The following RFFL variants were observed in gnomAD, a reference collection of about 807,000 sequenced individuals.
RFFL encodes ring finger and FYVE like domain containing E3 ubiquitin protein ligase.
RFFL carries 16 observed loss-of-function variants against 40.4 expected under a neutral mutation model. The ratio of observed to expected loss-of-function variants is 0.40; its 90% confidence interval spans 0.27 to 0.60. The LOEUF (loss-of-function observed/expected upper bound fraction) is 0.60, where lower values mean the gene tolerates loss of function less well. Ranked by LOEUF, RFFL falls within the 20% of genes least tolerant of loss-of-function variation. The probability of loss-of-function intolerance (pLI) is 0.47; values close to 1 mark genes in which losing one functional copy is unlikely to be tolerated. For missense variants in RFFL, 367 were observed against 451.7 expected (o/e 0.81, Z 1.70); for synonymous variants, 154 against 167.9 (o/e 0.92, Z 0.64).
chr17:35,082,102 G>C (rs753651452), intron 1 of RFFL, among the ~76,000 whole-genome samples: 1 of 152,088 alleles, frequency 6.6e-6, no homozygotes, highest in Non-Finnish European at 1.5e-5. Context: ...CTTTAAGCTG[G>C]TATTGTACTA....
chr17:35,072,115 T>TA (rs534873822), intron 1 of RFFL, among the ~76,000 whole-genome samples: 1 of 151,340 alleles, frequency 6.6e-6, no homozygotes, highest in Admixed American at 6.6e-5. Context: ...ACCCTGTCTA[T>TA]AAAAAAAATA....
chr17:35,078,156 T>C (rs1488099421), intron 1 of RFFL, among the ~76,000 whole-genome samples: 1 of 152,190 alleles, frequency 6.6e-6, no homozygotes, highest in African/African-American at 2.4e-5. Context: ...ACCAGGAATC[T>C]TTATTTTTTA....
intron 1 of RFFL, among the ~76,000 whole-genome samples, chr17:35,042,840 A>AAAAAG (rs1567708693): frequency 5.3e-5 from 8 of 151,086 alleles, no homozygotes; most frequent in East Asian, 1.9e-4. Context: ...AAAAAAAAAA[A>AAAAAG]AAAAGAAAAG....
chr17:35,047,120 G>C (rs141871229), intron 1 of RFFL, among the ~76,000 whole-genome samples: 2 of 152,290 alleles, frequency 1.3e-5, no homozygotes, highest in East Asian at 3.9e-4. Context: ...AAGCTCTTCT[G>C]GACCTTCTAC....
In RFFL at chr17:35,006,657, C is replaced by A. The variant is rs1045769406; in HGVS notation, c.*5311G>T. 6.6e-6 allele frequency: 1 copy of A among 152,392 alleles called. No homozygotes were observed. Among genetic ancestry groups the A allele is most frequent in the African/African-American group, 2.4e-5 (1 of 41,590 alleles). The allele number at this position is 152,392 out of a possible 1,614,324, so 9.4% of individuals were successfully genotyped here. A position where few individuals can be genotyped will look rare whatever the true frequency, so the allele number is the denominator to read the frequency against. On this transcript the variant is annotated 3_prime_UTR_variant, in exon 7 of 7. Transcript: ENST00000394597. ...TGTGCATGTTCCAGCCAACACTCCA[C>A]TCTGAGTGCAGGCTCATCAGGACAC...
intron 1 of RFFL, among the ~76,000 whole-genome samples, chr17:35,071,156 C>CG: frequency 6.6e-6 from 1 of 150,460 alleles, no homozygotes; most frequent in East Asian, 2.0e-4. Flanking sequence ...CAAGATTATG[C>CG]CACTGCACTC....
intron 1 of RFFL, among the ~76,000 whole-genome samples, chr17:35,049,345 A>ACCTGT (rs762694375): frequency 5.3e-5 from 8 of 152,094 alleles, no homozygotes; most frequent in Admixed American, 1.3e-4. Flanking sequence ...CAAAACCTTT[A>ACCTGT]CCTGTCCCAT....
intron 4 of RFFL, among the ~76,000 whole-genome samples, chr17:35,016,783 A>C (rs968017789): frequency 6.6e-6 from 1 of 152,200 alleles, no homozygotes; most frequent in Non-Finnish European, 1.5e-5. Context: ...TTCTGTGCTC[A>C]GGAGCAAACA....
At chr17:35,044,912 C>A (rs1253231899) in intron 1 of RFFL, among the ~76,000 whole-genome samples, 1 of 150,710 alleles carries the variant, frequency 6.6e-6, no homozygotes, top group Non-Finnish European at 1.5e-5. Flanking sequence ...CACTCTGTCA[C>A]CCAGGCTGGA....
At chr17:35,078,948 C>G (rs1356540618) in intron 1 of RFFL, among the ~76,000 whole-genome samples, 1 of 150,846 alleles carries the variant, frequency 6.6e-6, no homozygotes, top group African/African-American at 2.4e-5. Flanking sequence ...CCACTGAACT[C>G]CAGCCTGGGT....
chr17:35,029,917 C>T (rs1333282430), intron 1 of RFFL, among the ~76,000 whole-genome samples: 2 of 149,802 alleles, frequency 1.3e-5, no homozygotes, highest in Non-Finnish European at 2.9e-5. Context: ...GTTCAATTCC[C>T]ACCTATGAGC....
upstream of RFFL, among the ~76,000 whole-genome samples, chr17:35,064,935 T>C (rs951363002): frequency 1.3e-5 from 2 of 152,260 alleles, no homozygotes; most frequent in African/African-American, 4.8e-5. Context: ...TCCAGTAGGA[T>C]AGCCACGCTG....
upstream of RFFL, among the ~76,000 whole-genome samples, chr17:35,068,460 T>C (rs1477874680): frequency 1.3e-5 from 2 of 152,194 alleles, no homozygotes; most frequent in African/African-American, 4.8e-5. Context: ...CACATTTAGA[T>C]ACAGGAACTG....
chr17:35,027,186 C>T (rs560203727), intron 1 of RFFL, among the ~76,000 whole-genome samples: 78 of 152,298 alleles, frequency 5.1e-4, no homozygotes, highest in South Asian at 3.3e-3. Flanking sequence ...TCCCCTCCTG[C>T]CAGCCAGTAA....
intron 1 of RFFL, among the ~76,000 whole-genome samples, chr17:35,051,634 A>G (rs886777091): frequency 3.3e-5 from 5 of 152,258 alleles, no homozygotes; most frequent in African/African-American, 1.2e-4. Context: ...TAACACAAAT[A>G]GTGCTGAGAT....
rs1328543425 is a variant in RFFL, at chr17:35,008,619, T to TTTG, written c.*3346_*3348dup. 2.6e-5 allele frequency: 4 copies of TTTG among 151,522 alleles called. No homozygotes were observed. Among genetic ancestry groups the TTTG allele is most frequent in the Non-Finnish European group, 2.9e-5 (2 of 67,938 alleles). 9.4% of individuals were successfully genotyped at this position (151,522 alleles called of 1,614,324 possible). A position where few individuals can be genotyped will look rare whatever the true frequency, so the allele number is the denominator to read the frequency against. ...CTAATTTTTTGGTTTTTTTGGGTTT[T>TTTG]TTGTTTGTGTTTTTTTTTGTTTTGT... is the stretch of plus-strand genomic sequence containing the variant. On this transcript the variant is annotated 3_prime_UTR_variant, in exon 7 of 7. Transcript: ENST00000394597.
At chr17:35,032,528 T>G (rs768795042) in intron 1 of RFFL, among the ~76,000 whole-genome samples, 14 of 151,996 alleles carry the variant, frequency 9.2e-5, no homozygotes, top group Non-Finnish European at 1.6e-4. Context: ...CTTACTGAAA[T>G]GAAGCCCTCA....
intron 1 of RFFL, chr17:35,069,353 T>C: frequency 2.2e-6 from 1 of 456,550 alleles, no homozygotes; most frequent in Non-Finnish European, 4.4e-6. Flanking sequence ...TCTTGAAGGG[T>C]GATTTCTAGC....
intron 2 of RFFL, among the ~76,000 whole-genome samples, chr17:35,025,696 G>T (rs1047599895): frequency 1.3e-5 from 2 of 151,704 alleles, no homozygotes; most frequent in Non-Finnish European, 2.9e-5. Context: ...TCCAGGTGAG[G>T]GTTTACCTTC....
Sources: allele counts gnomAD v4.1 joint callset (sites outside exome capture counted in the v4.1 genomes callset), GRCh38; gene constraint gnomAD v4.1.1; transcripts MANE v1.5; gene names NCBI Gene and HGNC (gene_info 2026-07-23, HGNC 2026-07-21).